Variants in NRXN3 observed in about 807,000 individuals in gnomAD.
NRXN3 encodes the protein neurexin 3.
Under a neutral mutation model 137.6 loss-of-function variants are expected in NRXN3, and 32 were observed. The ratio of observed to expected loss-of-function variants is 0.23; its 90% CI spans 0.18 to 0.31. The LOEUF (loss-of-function observed/expected upper bound fraction) is 0.31. Ranked by LOEUF, NRXN3 falls within the 10% of genes least tolerant of loss-of-function variation. The pLI, the probability that NRXN3 is intolerant of heterozygous loss-of-function variation, is 1.00. For missense variants in NRXN3, 1,574 were observed against 2,062.5 expected, an observed-to-expected ratio of 0.76 and a Z score of 4.59; for synonymous variants, 798 against 784.5, an observed-to-expected ratio of 1.02 and a Z score of -0.29.
chr14:78,839,905 G>C (rs2099007274), intron 10 of NRXN3, among the ~76,000 whole-genome samples: 1 of 152,150 alleles, frequency 6.6e-6, no homozygotes, highest in Non-Finnish European at 1.5e-5. Context: ...ATCCAATAAG[G>C]AAAACTTGTA....
chr14:78,557,205 T>C (rs2096746944), intron 4 of NRXN3, among the ~76,000 whole-genome samples: 1 of 149,982 alleles, frequency 6.7e-6, no homozygotes, highest in Admixed American at 6.7e-5. Flanking sequence ...TGATCACACC[T>C]GGCTATATTT....
intron 4 of NRXN3, among the ~76,000 whole-genome samples, chr14:78,305,970 A>C (rs1159958824): frequency 6.6e-6 from 1 of 152,180 alleles, no homozygotes; most frequent in Non-Finnish European, 1.5e-5. Context: ...TGTTTTTGGC[A>C]GTGATGTCTT....
At chr14:78,384,558 G>A (rs1026127080) in intron 4 of NRXN3, among the ~76,000 whole-genome samples, 10 of 152,108 alleles carry the variant, frequency 6.6e-5, no homozygotes, top group African/African-American at 2.2e-4. Context: ...ATAAAATGAA[G>A]TTTTATTTAG....
At chr14:79,291,389 G>C (rs1056035829) in intron 15 of NRXN3, among the ~76,000 whole-genome samples, 3 of 151,618 alleles carry the variant, frequency 2.0e-5, no homozygotes, top group Non-Finnish European at 1.5e-5. Flanking sequence ...TTAAGTTTTA[G>C]TTATTTATTT....
chr14:78,914,439 A>G (rs1372225381), intron 10 of NRXN3, among the ~76,000 whole-genome samples: 4 of 152,164 alleles, frequency 2.6e-5, no homozygotes, highest in African/African-American at 9.7e-5. Flanking sequence ...ATAACCAAAG[A>G]AAAAGGATAG....
intron 4 of NRXN3, among the ~76,000 whole-genome samples, chr14:78,592,476 C>T (rs1018123387): frequency 1.3e-5 from 2 of 152,068 alleles, no homozygotes; most frequent in African/African-American, 4.8e-5. Flanking sequence ...GCCCTGTTTC[C>T]CCATCAGAGA....
At chr14:79,340,575 C>T (rs1033542243) in intron 15 of NRXN3, among the ~76,000 whole-genome samples, 23 of 152,180 alleles carry the variant, frequency 1.5e-4, no homozygotes, top group Non-Finnish European at 3.2e-4. Context: ...AAGGGATTCT[C>T]CTGCCTCAGC....
intron 8 of NRXN3, among the ~76,000 whole-genome samples, chr14:78,767,003 A>G (rs1377901481): frequency 6.6e-6 from 1 of 152,192 alleles, no homozygotes; most frequent in African/African-American, 2.4e-5. Context: ...TTTGCTGCAT[A>G]ACAAATTACT....
chr14:79,166,035 G>T (rs937290327), intron 15 of NRXN3, among the ~76,000 whole-genome samples: 1 of 151,942 alleles, frequency 6.6e-6, no homozygotes, highest in Non-Finnish European at 1.5e-5. Flanking sequence ...TATTAAAAAC[G>T]CATGCCCTTC....
chr14:78,178,974 A>C (rs2059525276), intron 1 of NRXN3, among the ~76,000 whole-genome samples: 1 of 151,964 alleles, frequency 6.6e-6, no homozygotes, highest in South Asian at 2.1e-4. Flanking sequence ...CTTATCAGCC[A>C]CCTCTAGGCC....
intron 15 of NRXN3, among the ~76,000 whole-genome samples, chr14:79,282,108 TAAAAAAG>T (rs1330554357): frequency 1.3e-4 from 20 of 149,632 alleles, no homozygotes; most frequent in African/African-American, 4.7e-4. Context: ...TTGGCTCCCT[TAAAAAAG>T]AAAGAAGCAA....
chr14:79,146,941 A>C (rs2059354865), intron 15 of NRXN3, among the ~76,000 whole-genome samples: 1 of 152,178 alleles, frequency 6.6e-6, no homozygotes, highest in Non-Finnish European at 1.5e-5. Flanking sequence ...GAGAGCAGCA[A>C]CAACTGAGCA....
Position 78,720,465 on chromosome 14 carries a change from A to G in NRXN3, c.2044+5326A>G, listed in dbSNP as rs191266794. Among the ~76,000 whole-genome samples the G allele has an allele frequency of 3.6e-3, 552 of 152,340 alleles. 1 individual carries two copies. The highest frequency in any genetic ancestry group is 6.8e-3 in the Middle Eastern group (2 of 294). ...GCTTAATCATATCATTGAAAAGCAG[A>G]AATCTTGAGGTCTTCCTTCCTGCCC... On this transcript the variant is annotated intron_variant, in intron 8 of 20. Coordinates refer to ENST00000335750, the MANE Select transcript of NRXN3 (RefSeq NM_001330195.2).
chr14:78,727,418 G>A (rs1351875585), intron 8 of NRXN3, among the ~76,000 whole-genome samples: 3 of 152,162 alleles, frequency 2.0e-5, no homozygotes, highest in African/African-American at 7.2e-5. Context: ...GTGGTGGTGG[G>A]GTGAGTGCTT....
At chr14:79,818,369 G>T (rs1231749322) in intron 20 of NRXN3, among the ~76,000 whole-genome samples, 1 of 152,054 alleles carries the variant, frequency 6.6e-6, no homozygotes. Flanking sequence ...GGGGTTTCTA[G>T]CTCATTATTC....
intron 19 of NRXN3, among the ~76,000 whole-genome samples, chr14:79,736,854 G>T (rs1022210829): frequency 6.6e-6 from 1 of 152,196 alleles, no homozygotes; most frequent in Non-Finnish European, 1.5e-5. Context: ...TCCAACAGAT[G>T]TGTATGAATA....
At chr14:78,401,763 A>ACCTC (rs2092087531) in intron 4 of NRXN3, among the ~76,000 whole-genome samples, 1 of 152,244 alleles carries the variant, frequency 6.6e-6, no homozygotes, top group South Asian at 2.1e-4. Context: ...GGCCCACATA[A>ACCTC]GGATTCAATC....
intron 15 of NRXN3, among the ~76,000 whole-genome samples, chr14:79,179,072 T>G (rs901123698): frequency 2.0e-5 from 3 of 152,198 alleles, no homozygotes; most frequent in Admixed American, 6.5e-5. Context: ...GAGGTTTGTC[T>G]TCTTCTTGCA....
At chr14:79,497,764 C>T (rs925958433) in intron 16 of NRXN3, among the ~76,000 whole-genome samples, 4 of 152,220 alleles carry the variant, frequency 2.6e-5, no homozygotes, top group African/African-American at 4.8e-5. Flanking sequence ...AGGCTGGGCA[C>T]GGTGGCTCAC....
Sources: allele counts gnomAD v4.1 joint callset (sites outside exome capture counted in the v4.1 genomes callset), GRCh38; gene constraint gnomAD v4.1.1; transcripts MANE v1.5; gene names NCBI Gene and HGNC (gene_info 2026-07-23, HGNC 2026-07-21).